Variants in HPSE observed in about 807,000 individuals in gnomAD.
The protein encoded by HPSE is endo-glucoronidase.
A neutral mutation model predicts 65.1 loss-of-function variants in HPSE; 48 were observed. The ratio of observed to expected loss-of-function variants is 0.74; its 90% CI spans 0.58 to 0.94. The LOEUF (loss-of-function observed/expected upper bound fraction) is 0.94. Ranked by LOEUF, HPSE falls within the 40% of genes least tolerant of loss-of-function variation. The probability of loss-of-function intolerance (pLI) is 0.00; values close to 1 mark genes in which losing one functional copy is unlikely to be tolerated. For missense variants in HPSE, 644 were observed against 637.5 expected (o/e 1.01, Z -0.11); for synonymous variants, 243 against 260.0 (o/e 0.93, Z 0.63).
intron 8 of HPSE, among the ~76,000 whole-genome samples, chr4:83,306,977 TGG>T (rs1736166921): frequency 6.6e-6 from 1 of 152,030 alleles, no homozygotes; most frequent in Non-Finnish European, 1.5e-5. Flanking sequence ...ACCGGTAATC[TGG>T]CCCAACCAGT....
intron 6 of HPSE, 33 bp from the exon 7 acceptor site, chr4:83,309,528 T>C (rs768611194): frequency 6.0e-6 from 7 of 1,173,420 alleles, no homozygotes; most frequent in Non-Finnish European, 8.8e-6. Context: ...AGAAAAAAAA[T>C]AACAAATTTT....
Position 83,316,623 on chromosome 4 carries a change from G to A in HPSE, c.499+2721C>T, listed in dbSNP as rs138923246. Among the ~76,000 whole-genome samples the A allele has an allele frequency of 1.1e-3, 172 of 152,288 alleles. 1 individual carries two copies. Among genetic ancestry groups the A allele is most frequent in the African/African-American group, 3.9e-3 (161 of 41,562 alleles). On this transcript the variant is annotated intron_variant, in intron 3 of 11. Coordinates refer to ENST00000311412, the MANE Select transcript of HPSE (RefSeq NM_001098540.3). ...AAGAATGGGGTGATGAGGGGAACAG[G>A]AGGAGAAGAGGAAGTACAAAGAGTT...
intron 1 of HPSE, among the ~76,000 whole-genome samples, chr4:83,333,821 C>A (rs1415154971): frequency 6.8e-6 from 1 of 147,060 alleles, no homozygotes; most frequent in Admixed American, 6.9e-5. Flanking sequence ...TATTCCTGTT[C>A]TGTGACGCCC....
At chr4:83,312,839 TGCAAAAAAAAAAAAAAAAA>T (rs1736455034) in intron 4 of HPSE, among the ~76,000 whole-genome samples, 1 of 19,316 alleles carries the variant, frequency 5.2e-5, no homozygotes, top group African/African-American at 2.6e-4. Context: ...CTACTAAAAA[TGCAAAAAAAAAAAAAAAAA>T]AAAAAAAAAA....
chr4:83,312,841 C>CAAAAAAAAAAAAA (rs1200808673), intron 4 of HPSE, among the ~76,000 whole-genome samples: 3 of 10,990 alleles, frequency 2.7e-4, no homozygotes, highest in Admixed American at 1.5e-3. Flanking sequence ...ACTAAAAATG[C>CAAAAAAAAAAAAA]AAAAAAAAAA....
chr4:83,306,191 A>G lies in HPSE; in HGVS notation c.1206+12T>C, dbSNP rs200173625. On this transcript the variant is annotated intron_variant, in intron 9 of 11. Transcript: ENST00000311412. ...CTACTCCACTAGAATTAGGAAAATA[A>G]TGGTCACTTACAGGTAAAGGATCGA... is the stretch of plus-strand genomic sequence containing the variant. 7.1e-5 allele frequency: 106 copies of G among 1,494,310 alleles called. No individual in the cohort carries two copies. The highest frequency in any genetic ancestry group is 2.8e-6 in the Non-Finnish European group (3 of 1,070,894). The allele number at this position is 1,494,310 out of a possible 1,614,324, so 92.6% of individuals were successfully genotyped here.
At chr4:83,314,768 C>T (rs1371783638) in intron 3 of HPSE, among the ~76,000 whole-genome samples, 1 of 152,186 alleles carries the variant, frequency 6.6e-6, no homozygotes, top group Non-Finnish European at 1.5e-5. Context: ...ATCTATCTGG[C>T]AAACTTACAC....
At chr4:83,334,863 C>T, upstream of HPSE, 2 of 1,436,736 alleles carry the variant, frequency 1.4e-6, no homozygotes, top group Non-Finnish European at 1.8e-6. Context: ...CCCGCCGAGC[C>T]CCAGCGCCCT....
Position 83,319,348 on chromosome 4 carries a change from G to C in HPSE, c.495C>G (p.Tyr165Ter). 1 of 1,613,746 alleles carries C rather than the reference G, an allele frequency of 6.2e-7. No homozygotes were observed. Among genetic ancestry groups the C allele is most frequent in the Non-Finnish European group, 8.5e-7 (1 of 1,179,820 alleles). ...HYQKKFKNST[Y>*]SRSSVDVLYT... ...AGGGTGCCTTTCATTTCTTACTTGA[G>C]TAGGTGCTGTTCTTGAACTTTTTCT... Residue 165 changes from tyrosine (Y) to a stop codon, truncating the protein, a stop_gained, in exon 3 of 12, where the codon TAC (tyrosine) becomes TAG (stop). Transcript: ENST00000311412. LOFTEE classifies it high-confidence loss of function.
chr4:83,333,871 A>AAAAAG (rs1316362493), intron 1 of HPSE, among the ~76,000 whole-genome samples: 2 of 151,960 alleles, frequency 1.3e-5, no homozygotes, highest in African/African-American at 4.8e-5. Flanking sequence ...AAGAAAAAAG[A>AAAAAG]AAAAGAAAAG....
chr4:83,329,300 T>C (rs887458779), intron 1 of HPSE, among the ~76,000 whole-genome samples: 1 of 152,180 alleles, frequency 6.6e-6, no homozygotes, highest in Non-Finnish European at 1.5e-5. Context: ...GTAATATTTT[T>C]CCATTTCCAG....
chr4:83,309,440 A>C lies in HPSE; in HGVS notation c.946T>G (p.Leu316Val). ...TKEDFLNPDV[L>V]DIFISSVQKV... is the part of the protein sequence containing the mutation. ...TGCACAGATGAAATAAAAATGTCCA[A>C]TACATCAGGGTTTAGAAAATCTTCC... is the stretch of plus-strand genomic sequence containing the variant. Residue 316 changes from leucine (L) to valine (V), a missense_variant, in exon 7 of 12, where the codon TTG (leucine) becomes GTG (valine). Transcript: ENST00000311412. The C allele has an allele frequency of 1.3e-6, 2 of 1,593,690 alleles. No individual in the cohort carries two copies. Among genetic ancestry groups the C allele is most frequent in the Non-Finnish European group, 1.7e-6 (2 of 1,166,396 alleles).
chr4:83,296,071 A>T (rs1735712132), intron 11 of HPSE, among the ~76,000 whole-genome samples: 2 of 152,202 alleles, frequency 1.3e-5, no homozygotes, highest in African/African-American at 2.4e-5. Context: ...GTGAAACAAA[A>T]ACAATTTGGC....
In HPSE at chr4:83,294,431, T is replaced by C. The variant is rs2126179867; in HGVS notation, c.*913A>G. ...CTGTCCCCACAGGTATTATAGTCTT[T>C]CGCTGACTAGCAACACTGCACAGAG... is the stretch of plus-strand genomic sequence containing the variant. On this transcript the variant is annotated 3_prime_UTR_variant, in exon 12 of 12. Coordinates refer to ENST00000311412, the MANE Select transcript of HPSE (RefSeq NM_001098540.3). 6.6e-6 allele frequency: 1 copy of C among 152,182 alleles called. No homozygotes were observed. The highest frequency in any genetic ancestry group is 1.9e-4 in the East Asian group (1 of 5,202). The allele number at this position is 152,182 out of a possible 1,614,324, so 9.4% of individuals were successfully genotyped here. A position where few individuals can be genotyped will look rare whatever the true frequency, so the allele number is the denominator to read the frequency against.
At chr4:83,330,700 A>G (rs867766886) in intron 1 of HPSE, among the ~76,000 whole-genome samples, 5 of 152,272 alleles carry the variant, frequency 3.3e-5, no homozygotes, top group African/African-American at 1.2e-4. Context: ...AATTGCAATG[A>G]AAAGCAAGCA....
chr4:83,322,433 C>A (rs925480380), intron 1 of HPSE, 69 bp from the exon 2 acceptor site: 9 of 1,296,498 alleles, frequency 6.9e-6, no homozygotes, highest in Admixed American at 2.4e-5. Flanking sequence ...ATTCTTACTT[C>A]CTTCTTTCCT....
chr4:83,300,024 A>T (rs895745007), intron 11 of HPSE, among the ~76,000 whole-genome samples: 1 of 152,192 alleles, frequency 6.6e-6, no homozygotes, highest in African/African-American at 2.4e-5. Flanking sequence ...TTTATGCTCC[A>T]ATATGAGAAT....
At position 83,334,573 on chromosome 4, in the gene HPSE, C is replaced by A; in HGVS notation, c.210G>T (p.Arg70=). The change falls in exon 1 of 12, where the codon CGG becomes CGT. Residue 70 remains arginine (R), a synonymous_variant. Transcript: ENST00000311412. ...TIDANLATDP[R]FLILLGSPKL... is the part of the protein sequence containing the mutation. The stretch of plus-strand genomic sequence containing the variant: ...GCGCTTACCCCAGGAGGATGAGGAA[C>A]CGCGGGTCCGTGGCCAGGTTGGCGT... 6.3e-7 allele frequency: 1 copy of A among 1,585,812 alleles called. No homozygotes were observed. Among genetic ancestry groups the A allele is most frequent in the African/African-American group, 1.3e-5 (1 of 74,544 alleles).
chr4:83,321,631 A>C (rs971716582), intron 2 of HPSE, among the ~76,000 whole-genome samples: 10 of 152,144 alleles, frequency 6.6e-5, no homozygotes, highest in Non-Finnish European at 1.5e-4. Flanking sequence ...TTAAGATACG[A>C]TTTAACTTCC....
Sources: gnomAD v4.1 joint callset for allele counts (sites outside exome capture counted in the v4.1 genomes callset) on GRCh38, gnomAD v4.1.1 for gene constraint, MANE v1.5 for transcripts, NCBI Gene and HGNC (gene_info 2026-07-23, HGNC 2026-07-21) for gene names.